The following MAP4K4 variants were observed in gnomAD, a reference collection of about 807,000 sequenced individuals.
MAP4K4 encodes the protein HPK/GCK-like kinase HGK.
Under a neutral mutation model 189.6 loss-of-function variants are expected in MAP4K4, and 38 were observed. The observed-to-expected ratio is 0.20, with a 90% confidence interval of 0.15 to 0.26. The LOEUF (loss-of-function observed/expected upper bound fraction) is 0.26. Among genes scored for constraint, MAP4K4 ranks in the 10% least tolerant of loss-of-function variants. The pLI, the probability that MAP4K4 is intolerant of heterozygous loss-of-function variation, is 1.00. For synonymous variants in MAP4K4, 610 were observed against 624.3 expected (o/e 0.98, Z 0.34); for missense variants, 1,054 against 1,726.9 (o/e 0.61, Z 6.91).
chr2:101,835,066 T>C (rs1301364336), intron 8 of MAP4K4, among the ~76,000 whole-genome samples: 1 of 152,262 alleles, frequency 6.6e-6, no homozygotes, highest in Non-Finnish European at 1.5e-5. Flanking sequence ...GGCACATAGT[T>C]GCTGCTGAAT....
At chr2:101,791,372 G>A (rs1330405784) in intron 3 of MAP4K4, among the ~76,000 whole-genome samples, 2 of 152,086 alleles carry the variant, frequency 1.3e-5, no homozygotes, top group African/African-American at 2.4e-5. Context: ...GAGACAGAAA[G>A]TAAATGTATG....
intron 3 of MAP4K4, among the ~76,000 whole-genome samples, chr2:101,817,239 T>C (rs1362348880): frequency 6.6e-6 from 1 of 152,130 alleles, no homozygotes; most frequent in African/African-American, 2.4e-5. Context: ...GTTGATGACA[T>C]GAAGCTTTGG....
At chr2:101,764,617 A>G (rs1021457849) in intron 2 of MAP4K4, among the ~76,000 whole-genome samples, 4 of 152,190 alleles carry the variant, frequency 2.6e-5, no homozygotes, top group African/African-American at 9.7e-5. Flanking sequence ...TTGTAGGGAT[A>G]GTTTTGCATT....
At chr2:101,699,906 G>C (rs1415272332) in intron 2 of MAP4K4, among the ~76,000 whole-genome samples, 1 of 152,104 alleles carries the variant, frequency 6.6e-6, no homozygotes. Context: ...AATTTGGAAG[G>C]CTTTGGAAAA....
intron 20 of MAP4K4, chr2:101,867,786 T>C (rs2097859201): frequency 2.1e-6 from 1 of 479,650 alleles, no homozygotes; most frequent in African/African-American, 2.0e-5. Context: ...ACCTTCTGCT[T>C]TTTGGTACCT....
chr2:101,833,168 T>C (rs1265667037), intron 7 of MAP4K4, among the ~76,000 whole-genome samples: 4 of 152,222 alleles, frequency 2.6e-5, no homozygotes, highest in Non-Finnish European at 5.9e-5. Context: ...TTCGGATATA[T>C]GTGTCTGAAC....
At chr2:101,890,388 G>A (rs2098548805) in intron 32 of MAP4K4, among the ~76,000 whole-genome samples, 1 of 152,144 alleles carries the variant, frequency 6.6e-6, no homozygotes, top group Admixed American at 6.5e-5. Flanking sequence ...ATAAAAATTG[G>A]CTGCAGATGG....
intron 28 of MAP4K4, among the ~76,000 whole-genome samples, chr2:101,884,610 T>C (rs2098455279): frequency 6.6e-6 from 1 of 152,206 alleles, no homozygotes; most frequent in Admixed American, 6.5e-5. Flanking sequence ...CAGAGTTGCC[T>C]GGCAGTAAGG....
At chr2:101,763,675 A>G (rs561401812) in intron 2 of MAP4K4, among the ~76,000 whole-genome samples, 1 of 152,318 alleles carries the variant, frequency 6.6e-6, no homozygotes, top group South Asian at 2.1e-4. Flanking sequence ...CCTGGCATTC[A>G]TGGACTCTAG....
chr2:101,706,450 T>C (rs892151460), intron 2 of MAP4K4, among the ~76,000 whole-genome samples: 2 of 152,238 alleles, frequency 1.3e-5, no homozygotes, highest in African/African-American at 4.8e-5. Flanking sequence ...TTTCCTTTTT[T>C]AAACAACACC....
intron 2 of MAP4K4, among the ~76,000 whole-genome samples, chr2:101,763,675 A>C (rs561401812): frequency 6.6e-6 from 1 of 152,200 alleles, no homozygotes; most frequent in South Asian, 2.1e-4. Flanking sequence ...CCTGGCATTC[A>C]TGGACTCTAG....
intron 2 of MAP4K4, among the ~76,000 whole-genome samples, chr2:101,745,438 T>A (rs1341513184): frequency 5.2e-4 from 48 of 91,618 alleles, no homozygotes; most frequent in Admixed American, 9.6e-4. Context: ...TGCCCCCAGG[T>A]AAAAAAAAAA....
intron 2 of MAP4K4, among the ~76,000 whole-genome samples, chr2:101,754,794 C>T (rs2071424452): frequency 6.6e-6 from 1 of 152,206 alleles, no homozygotes; most frequent in South Asian, 2.1e-4. Flanking sequence ...TCAGCAGCTC[C>T]ATGTTGGAGC....
chr2:101,698,649 A>C (rs2036099486), intron 2 of MAP4K4, 111 bp downstream of exon 2: 1 of 957,040 alleles, frequency 1.0e-6, no homozygotes, highest in African/African-American at 1.6e-5. Context: ...GCTTGGCCAA[A>C]GTTGGGAGAG....
At chr2:101,756,623 C>T (rs2072954391) in intron 2 of MAP4K4, among the ~76,000 whole-genome samples, 1 of 152,098 alleles carries the variant, frequency 6.6e-6, no homozygotes, top group Admixed American at 6.6e-5. Context: ...GGCTTGATCA[C>T]AGCTCGCTAC....
chr2:101,870,482 C>A, intron 23 of MAP4K4, 67 bp downstream of exon 23: 1 of 1,587,272 alleles, frequency 6.3e-7, no homozygotes, highest in South Asian at 1.1e-5. Context: ...CTTGCTCATT[C>A]ACTCACTCAT....
chr2:101,724,519 T>A (rs1392133459), intron 2 of MAP4K4, among the ~76,000 whole-genome samples: 4 of 152,152 alleles, frequency 2.6e-5, no homozygotes, highest in Admixed American at 2.6e-4. Context: ...GTGATTGGGA[T>A]TTATTGGGCT....
chr2:101,827,392 T>C (rs746171213), intron 5 of MAP4K4, among the ~76,000 whole-genome samples: 1 of 152,152 alleles, frequency 6.6e-6, no homozygotes, highest in Non-Finnish European at 1.5e-5. Context: ...GTGTTCATTA[T>C]AGGGGTTACT....
At chr2:101,819,401 T>G (rs1011849866) in intron 3 of MAP4K4, among the ~76,000 whole-genome samples, 1 of 152,254 alleles carries the variant, frequency 6.6e-6, no homozygotes, top group Non-Finnish European at 1.5e-5. Context: ...CTCAAAGCCA[T>G]GGCAGATTCT....
Sources: gnomAD v4.1 joint callset for allele counts (sites outside exome capture counted in the v4.1 genomes callset) on GRCh38, gnomAD v4.1.1 for gene constraint, MANE v1.5 for transcripts, NCBI Gene and HGNC (gene_info 2026-07-23, HGNC 2026-07-21) for gene names.